RAP1GAP: variants seen among roughly 807,000 people sequenced by gnomAD.
RAP1GAP encodes RAP1 GTPase activating protein.
In RAP1GAP, 35 loss-of-function variants were observed where a neutral mutation model predicts 87.2. The observed-to-expected ratio is 0.40, with a 90% confidence interval of 0.31 to 0.53. RAP1GAP has a LOEUF of 0.53. Among genes scored for constraint, RAP1GAP ranks in the 20% least tolerant of loss-of-function variants. The pLI is 0.48. For missense variants in RAP1GAP, 734 were observed against 898.9 expected (o/e 0.82, Z 2.35); for synonymous variants, 375 against 363.9 (o/e 1.03, Z -0.35).
intron 11 of RAP1GAP, 40 bp downstream of exon 11, chr1:21,611,986 G>C: frequency 6.7e-7 from 1 of 1,497,878 alleles, no homozygotes; most frequent in Non-Finnish European, 9.1e-7. Flanking sequence ...CCAGATATGG[G>C]GCCAGGTGGG....
chr1:21,651,409 T>TGCGCACACACGCATGCACACACACGC (rs748654280), intron 1 of RAP1GAP: 2 of 548,580 alleles, frequency 3.6e-6, no homozygotes, highest in Non-Finnish European at 7.3e-6. Context: ...TGTGAGCAGT[T>TGCGCACACACGCATGCACACACACGC]GCGCACACAC....
At chr1:21,624,893 G>T (rs1388492893) in intron 3 of RAP1GAP, among the ~76,000 whole-genome samples, 7 of 152,162 alleles carry the variant, frequency 4.6e-5, no homozygotes, top group Non-Finnish European at 8.8e-5. Context: ...CCAGGGAGGG[G>T]AAGCTGTGGT....
Position 21,619,009 on chromosome 1 carries a change from T to A in RAP1GAP, c.66+16A>T, listed in dbSNP as rs777495020. The A allele has an allele frequency of 2.5e-6, 4 of 1,590,792 alleles. No homozygotes were observed. The South Asian group carries it at 3.4e-5, about 14-fold the overall frequency. Reference sequence around the variant, plus strand: ...CCACCCCCTAGAGAGGGAGGCAGACTGCCAGGCCCACCTACTTTGAGGGGC... The same window carrying A: ...CCACCCCCTAGAGAGGGAGGCAGACAGCCAGGCCCACCTACTTTGAGGGGC... On this transcript the variant is annotated intron_variant, in intron 5 of 24. Transcript: ENST00000374765.
chr1:21,614,201 G>A (rs2080400242), intron 7 of RAP1GAP, 112 bp from the exon 8 acceptor site: 2 of 683,024 alleles, frequency 2.9e-6, no homozygotes, highest in East Asian at 5.5e-5. Context: ...CCGATAGCAG[G>A]TGTCACGGCT....
At chr1:21,620,253 G>A (rs953407731) in intron 3 of RAP1GAP, among the ~76,000 whole-genome samples, 1 of 152,196 alleles carries the variant, frequency 6.6e-6, no homozygotes, top group Non-Finnish European at 1.5e-5. Flanking sequence ...GCCAAGTGAG[G>A]TGAACCCAGA....
intron 3 of RAP1GAP, among the ~76,000 whole-genome samples, chr1:21,623,196 G>A (rs1418213666): frequency 6.6e-6 from 1 of 152,230 alleles, no homozygotes; most frequent in African/African-American, 2.4e-5. Context: ...TGCCAGGCCC[G>A]TGGTATGGAG....
rs372726238 is a variant in RAP1GAP, at chr1:21,609,603, G to C, written c.1043C>G (p.Pro348Arg). 1.3e-6 allele frequency: 2 copies of C among 1,581,138 alleles called. No individual in the cohort carries two copies. The highest frequency in any genetic ancestry group is 2.3e-5 in the East Asian group (1 of 43,136). Residue 348 changes from proline (P) to arginine (R), a missense_variant, in exon 15 of 25, where the codon CCC becomes CGC. This residue lies in a region of RAP1GAP where 485 missense variants were observed against 646.2 expected (regional missense o/e 0.75). Transcript: ENST00000374765. The surrounding 1 kb of genome is among the most constrained non-coding windows in gnomAD (Gnocchi z 4.4). ...ARDDVPFFGPPLPDPAVFRKG... is the reference protein window; with the variant it reads ...ARDDVPFFGPRLPDPAVFRKG... ...CCTGAACACAGCGGGGTCCGGGAGG[G>C]GGGGTCCAAAGAAGGGCACATCATC...
Position 21,601,856 on chromosome 1 carries a change from C to T in RAP1GAP, c.1539-59G>A, listed in dbSNP as rs574055778. On this transcript the variant is annotated intron_variant, in intron 19 of 24. Coordinates refer to ENST00000374765, the MANE Select transcript of RAP1GAP (RefSeq NM_002885.4). ...GCACCAGGCCTGGCATCAGGCGTAG[C>T]GTGAGGCCCAGGCGGTGAGGGGAGT... 100 of 1,230,708 alleles carry T rather than the reference C, an allele frequency of 8.1e-5. 2 individuals carry two copies. The South Asian group carries it at 9.4e-4, about 12-fold the overall frequency. 76.2% of individuals were successfully genotyped at this position (1,230,708 alleles called of 1,614,324 possible). A position where few individuals can be genotyped will look rare whatever the true frequency, so the allele number is the denominator to read the frequency against.
At chr1:21,619,172 C>T (rs535373388) in intron 4 of RAP1GAP, 100 bp from the exon 5 acceptor site, 12 of 1,307,260 alleles carry the variant, frequency 9.2e-6, no homozygotes, top group South Asian at 5.3e-5. Context: ...GGAGGCGGCC[C>T]GCGAAGGTAG....
At chr1:21,651,677 GC>G in intron 1 of RAP1GAP, 1 of 1,208,286 alleles carries the variant, frequency 8.3e-7, no homozygotes, top group Non-Finnish European at 1.2e-6. Flanking sequence ...CATAGCCCAG[GC>G]CCACCCGCCC....
At chr1:21,663,909 C>G (rs1042307229) in intron 1 of RAP1GAP, among the ~76,000 whole-genome samples, 5 of 152,242 alleles carry the variant, frequency 3.3e-5, no homozygotes, top group African/African-American at 4.8e-5. Flanking sequence ...ACTGTAGTTT[C>G]AAGAAATACT....
chr1:21,638,082 T>C (rs1362154037), intron 2 of RAP1GAP, among the ~76,000 whole-genome samples: 1 of 145,550 alleles, frequency 6.9e-6, no homozygotes, highest in Non-Finnish European at 1.5e-5. Flanking sequence ...GCCTGAGAGG[T>C]TGAGGCTTCA....
intron 2 of RAP1GAP, among the ~76,000 whole-genome samples, chr1:21,636,210 C>T (rs1042032680): frequency 1.3e-5 from 2 of 152,210 alleles, no homozygotes; most frequent in African/African-American, 2.4e-5. Flanking sequence ...GGCTCTGGAG[C>T]CAGATCCTTG....
At chr1:21,619,376 A>G (rs860480) in intron 4 of RAP1GAP, among the ~76,000 whole-genome samples, 132,355 of 150,780 alleles carry the variant, frequency 0.88, 58,123 homozygotes, top group East Asian at 0.95. Flanking sequence ...GGGTGGGGGG[A>G]CTGTTATCTA....
chr1:21,611,376 G>A (rs748671428), intron 13 of RAP1GAP, 76 bp downstream of exon 13: 33 of 1,527,430 alleles, frequency 2.2e-5, no homozygotes, highest in African/African-American at 5.5e-5. Context: ...TGAGCCTGGC[G>A]TGATGGAGGC....
At chr1:21,625,368 G>A (rs1482004326) in intron 3 of RAP1GAP, among the ~76,000 whole-genome samples, 2 of 152,212 alleles carry the variant, frequency 1.3e-5, no homozygotes, top group African/African-American at 2.4e-5. Flanking sequence ...TTTACTAAAA[G>A]GACCAGGTGG....
intron 19 of RAP1GAP, 80 bp from the exon 20 acceptor site, chr1:21,601,877 G>A (rs1190662318): frequency 4.0e-6 from 4 of 1,008,598 alleles, no homozygotes; most frequent in Non-Finnish European, 5.8e-6. Context: ...GGCGGTGAGG[G>A]GAGTCACGGT....
intron 2 of RAP1GAP, among the ~76,000 whole-genome samples, chr1:21,647,718 T>C (rs373571340): frequency 1.1e-3 from 163 of 152,284 alleles, no homozygotes; most frequent in African/African-American, 3.6e-3. Context: ...CCATGCTCTT[T>C]CCCCTACCCC....
intron 3 of RAP1GAP, among the ~76,000 whole-genome samples, chr1:21,625,266 C>T (rs945943241): frequency 1.3e-5 from 2 of 152,202 alleles, no homozygotes; most frequent in South Asian, 2.1e-4. Context: ...TGGATTTTGC[C>T]TCTGCTATTT....
Sources: gnomAD v4.1 joint callset for allele counts (sites outside exome capture counted in the v4.1 genomes callset) on GRCh38, gnomAD v4.1.1 for gene constraint, gnomAD v4.1.1 regional missense constraint, Gnocchi (gnomAD v3.1) non-coding constraint, MANE v1.5 for transcripts, NCBI Gene and HGNC (gene_info 2026-07-23, HGNC 2026-07-21) for gene names.